The following NEDD8 variants were observed in gnomAD, a reference collection of about 807,000 sequenced individuals.
NEDD8 encodes ubiquitin-like protein NEDD8.
Under a neutral mutation model 13.8 loss-of-function variants are expected in NEDD8, and 1 was observed. That is an observed-to-expected ratio of 0.07 (90% CI 0.03 to 0.34). NEDD8 has a LOEUF of 0.34. Among genes scored for constraint, NEDD8 ranks in the 10% least tolerant of loss-of-function variants. The pLI, the probability that NEDD8 is intolerant of heterozygous loss-of-function variation, is 0.99. For synonymous variants in NEDD8, 31 were observed against 33.2 expected (o/e 0.93, Z 0.23); for missense variants, 10 against 95.2 (o/e 0.10, Z 3.73).
chr14:24,227,185 T>A (rs2138902478), intron 1 of NEDD8: 1 of 152,356 alleles, frequency 6.6e-6, no homozygotes. Flanking sequence ...CATGAACGTA[T>A]GCTATTGTCA....
At chr14:24,221,463 A>G (rs1355143772) in intron 1 of NEDD8, among the ~76,000 whole-genome samples, 1 of 151,988 alleles carries the variant, frequency 6.6e-6, no homozygotes, top group African/African-American at 2.4e-5. Context: ...TATTTTTAGT[A>G]GAGATGGGGT....
chr14:24,218,095 A>G (rs2039740172), intron 3 of NEDD8, 38 bp downstream of exon 3: 8 of 1,613,170 alleles, frequency 5.0e-6, no homozygotes, highest in African/African-American at 1.3e-5. Context: ...TCATCTTCAC[A>G]TAAGATCGCC....
chr14:24,225,609 C>T (rs1010214099), intron 1 of NEDD8, among the ~76,000 whole-genome samples: 2 of 152,196 alleles, frequency 1.3e-5, no homozygotes, highest in African/African-American at 4.8e-5. Flanking sequence ...AGGGTGCATA[C>T]ACCCTTCTCT....
intron 1 of NEDD8, among the ~76,000 whole-genome samples, chr14:24,223,999 C>T (rs943554269): frequency 6.6e-6 from 1 of 152,150 alleles, no homozygotes; most frequent in Non-Finnish European, 1.5e-5. Flanking sequence ...ACGATCTCGG[C>T]TCACTGCAAG....
At chr14:24,230,309 C>A (rs1043305970) in intron 1 of NEDD8, among the ~76,000 whole-genome samples, 1 of 139,202 alleles carries the variant, frequency 7.2e-6, no homozygotes, top group African/African-American at 2.8e-5. Context: ...CAGAGGCGGG[C>A]GGATCACGAG....
intron 1 of NEDD8, chr14:24,231,889 C>A: frequency 3.8e-6 from 1 of 265,668 alleles, no homozygotes; most frequent in Non-Finnish European, 7.2e-6. Flanking sequence ...GAATGGAGAG[C>A]AGCGCTTACT....
At chr14:24,220,407 G>A (rs965040424) in intron 1 of NEDD8, among the ~76,000 whole-genome samples, 42 of 152,044 alleles carry the variant, frequency 2.8e-4, no homozygotes, top group African/African-American at 9.7e-4. Flanking sequence ...CTGCAGCCTT[G>A]ACCTCCTGGG....
intron 1 of NEDD8, among the ~76,000 whole-genome samples, chr14:24,225,004 C>T (rs1439823883): frequency 6.6e-6 from 1 of 151,764 alleles, no homozygotes; most frequent in African/African-American, 2.4e-5. Flanking sequence ...ATGAAAAATA[C>T]AAAAATTAGT....
At position 24,217,242 on chromosome 14, in the gene NEDD8, AG is replaced by A. The variant is rs1349971793; in HGVS notation, c.150-20del. The A allele has an allele frequency of 6.3e-7, 1 of 1,576,244 alleles. No homozygotes were observed. The highest frequency in any genetic ancestry group is 1.9e-5 in the Admixed American group (1 of 53,624). On this transcript the variant is annotated intron_variant, in intron 3 of 3. Coordinates refer to ENST00000250495, the MANE Select transcript of NEDD8 (RefSeq NM_006156.3). ...ATCATTCCTGCAGGAAAAGGAAGCCAGAAAAAAAAGAAAAAGAAGACTTAGG... is the reference window on the plus strand; with the variant it reads ...ATCATTCCTGCAGGAAAAGGAAGCCAAAAAAAAAGAAAAAGAAGACTTAGG...
intron 1 of NEDD8, 179 bp from the exon 2 acceptor site, chr14:24,218,610 G>C: frequency 1.2e-6 from 1 of 849,456 alleles, no homozygotes; most frequent in Middle Eastern, 2.3e-4. Context: ...AATATTTTTA[G>C]GCTGTAAACA....
intron 1 of NEDD8, chr14:24,226,677 C>G (rs1180786505): frequency 6.6e-6 from 1 of 151,980 alleles, no homozygotes; most frequent in Non-Finnish European, 1.5e-5. Context: ...TGACTGACAT[C>G]AGCATTTTTA....
intron 1 of NEDD8, among the ~76,000 whole-genome samples, chr14:24,230,209 A>C: frequency 1.7e-5 from 2 of 116,800 alleles, no homozygotes; most frequent in Non-Finnish European, 3.3e-5. Context: ...ACAGAGTGAG[A>C]CTCTGTCTCA....
intron 1 of NEDD8, among the ~76,000 whole-genome samples, chr14:24,226,445 CAAAA>C (rs34325177): frequency 2.7e-5 from 3 of 109,298 alleles, no homozygotes; most frequent in African/African-American, 6.8e-5. Context: ...GACTCCATCT[CAAAA>C]AAAAAAAAAA....
chr14:24,229,798 G>A (rs968462701), intron 1 of NEDD8, among the ~76,000 whole-genome samples: 10 of 152,126 alleles, frequency 6.6e-5, no homozygotes, highest in African/African-American at 1.9e-4. Flanking sequence ...TCAACAGGCC[G>A]GGCGCGGTGG....
At chr14:24,232,074 C>A (rs533701857) in intron 1 of NEDD8, 176 bp downstream of exon 1, 2 of 974,678 alleles carry the variant, frequency 2.1e-6, no homozygotes, top group African/African-American at 1.6e-5. Flanking sequence ...ACCTGGGCCC[C>A]GCTCTCAAAG....
chr14:24,218,547 C>T (rs770300884), intron 1 of NEDD8, 116 bp from the exon 2 acceptor site: 20 of 1,398,944 alleles, frequency 1.4e-5, no homozygotes, highest in Non-Finnish European at 1.8e-5. Flanking sequence ...TGCATATTCT[C>T]AGCAGCACTG....
intron 1 of NEDD8, among the ~76,000 whole-genome samples, chr14:24,222,618 G>C (rs2039825439): frequency 6.6e-6 from 1 of 152,122 alleles, no homozygotes; most frequent in Non-Finnish European, 1.5e-5. Context: ...AGCCATACAT[G>C]CAATTTTTAA....
At chr14:24,231,482 T>A (rs1471448309) in intron 1 of NEDD8, among the ~76,000 whole-genome samples, 1 of 85,044 alleles carries the variant, frequency 1.2e-5, no homozygotes, top group East Asian at 3.0e-4. Context: ...TTTTGTTTTT[T>A]TGAGGGGGGC....
chr14:24,224,699 T>A (rs1343485574), intron 1 of NEDD8, among the ~76,000 whole-genome samples: 1 of 152,166 alleles, frequency 6.6e-6, no homozygotes, highest in Admixed American at 6.5e-5. Flanking sequence ...AAACAATGTA[T>A]CTAGGAAATG....
Sources: gnomAD v4.1 joint callset for allele counts (sites outside exome capture counted in the v4.1 genomes callset) on GRCh38, gnomAD v4.1.1 for gene constraint, MANE v1.5 for transcripts, NCBI Gene and HGNC (gene_info 2026-07-23, HGNC 2026-07-21) for gene names.